Variants in KSR2 observed in about 807,000 individuals in gnomAD.
The protein encoded by KSR2 is kinase suppressor of ras 2.
A neutral mutation model predicts 107.8 loss-of-function variants in KSR2; 25 were observed. That is an observed-to-expected ratio of 0.23 (90% CI 0.17 to 0.32). KSR2 has a LOEUF of 0.32. Ranked by LOEUF, KSR2 falls within the 10% of genes least tolerant of loss-of-function variation. The pLI, the probability that KSR2 is intolerant of heterozygous loss-of-function variation, is 1.00. For missense variants in KSR2, 887 were observed against 1,268.9 expected, an observed-to-expected ratio of 0.70 and a Z score of 4.57; for synonymous variants, 480 against 507.0, an observed-to-expected ratio of 0.95 and a Z score of 0.71.
chr12:117,935,497 T>C, intron 1 of KSR2, among the ~76,000 whole-genome samples: 1 of 152,172 alleles, frequency 6.6e-6, no homozygotes, highest in Admixed American at 6.6e-5. Context: ...TGGTGGTTCA[T>C]GCCTGTAATC....
chr12:117,712,461 A>T (rs1360037623), intron 4 of KSR2, among the ~76,000 whole-genome samples: 2 of 152,210 alleles, frequency 1.3e-5, no homozygotes. Flanking sequence ...CGGAGTCAGA[A>T]GGGGCAGCTC....
intron 3 of KSR2, among the ~76,000 whole-genome samples, chr12:117,847,144 C>A (rs1397680879): frequency 1.3e-5 from 2 of 152,192 alleles, no homozygotes. Context: ...ACATACGAGA[C>A]CCTGTGGGCT....
At chr12:117,681,698 T>C (rs1392135988) in intron 4 of KSR2, among the ~76,000 whole-genome samples, 1 of 152,158 alleles carries the variant, frequency 6.6e-6, no homozygotes, top group Non-Finnish European at 1.5e-5. Context: ...CCACCTTGAG[T>C]TGATTTTTGT....
chr12:117,649,846 GT>G (rs1883811803), intron 5 of KSR2, among the ~76,000 whole-genome samples: 1 of 152,174 alleles, frequency 6.6e-6, no homozygotes, highest in South Asian at 2.1e-4. Context: ...AACTGAAATG[GT>G]TTTCTGTACA....
At chr12:117,852,941 A>G (rs1461366335) in intron 3 of KSR2, among the ~76,000 whole-genome samples, 1 of 152,184 alleles carries the variant, frequency 6.6e-6, no homozygotes, top group Non-Finnish European at 1.5e-5. Context: ...AGCTGGGATT[A>G]CAGGCATGCG....
intron 1 of KSR2, among the ~76,000 whole-genome samples, chr12:117,931,935 G>T (rs1349593407): frequency 1.3e-5 from 2 of 152,162 alleles, no homozygotes; most frequent in African/African-American, 4.8e-5. Context: ...CAAAGACATG[G>T]AGGACATTAT....
At chr12:117,875,881 A>G (rs1172153718) in intron 1 of KSR2, among the ~76,000 whole-genome samples, 1 of 151,730 alleles carries the variant, frequency 6.6e-6, no homozygotes, top group Non-Finnish European at 1.5e-5. Context: ...CCACACACCC[A>G]TCATGTCAGC....
chr12:117,793,888 G>GCA (rs1890427975), intron 3 of KSR2, among the ~76,000 whole-genome samples: 2 of 115,448 alleles, frequency 1.7e-5, no homozygotes, highest in Admixed American at 9.5e-5. Context: ...CATACAACAT[G>GCA]CACACACCAA....
chr12:117,646,153 C>T (rs1883628074), intron 5 of KSR2, among the ~76,000 whole-genome samples: 1 of 152,022 alleles, frequency 6.6e-6, no homozygotes, highest in Non-Finnish European at 1.5e-5. Flanking sequence ...AGAAAAAAGT[C>T]AGTACATGTT....
At chr12:117,564,518 A>G (rs973347827) in intron 7 of KSR2, among the ~76,000 whole-genome samples, 1 of 152,254 alleles carries the variant, frequency 6.6e-6, no homozygotes, top group Non-Finnish European at 1.5e-5. Context: ...GCAAATAGTT[A>G]ACTTCTTTTT....
intron 3 of KSR2, among the ~76,000 whole-genome samples, chr12:117,813,238 A>G (rs1377808252): frequency 6.6e-6 from 1 of 152,172 alleles, no homozygotes; most frequent in East Asian, 1.9e-4. Context: ...GATTTTATGA[A>G]TAAGTCCTCA....
intron 5 of KSR2, among the ~76,000 whole-genome samples, chr12:117,601,005 C>A (rs1880910680): frequency 6.6e-6 from 1 of 152,102 alleles, no homozygotes; most frequent in African/African-American, 2.4e-5. Flanking sequence ...TACTTACTTA[C>A]CTGCAGTATG....
At chr12:117,827,724 G>A (rs1243608376) in intron 3 of KSR2, among the ~76,000 whole-genome samples, 1 of 152,182 alleles carries the variant, frequency 6.6e-6, no homozygotes, top group Non-Finnish European at 1.5e-5. Flanking sequence ...TGATAGGTCA[G>A]TGTCCTATAA....
intron 1 of KSR2, among the ~76,000 whole-genome samples, chr12:117,887,924 C>G (rs1894225227): frequency 6.6e-6 from 1 of 152,224 alleles, no homozygotes; most frequent in Non-Finnish European, 1.5e-5. Flanking sequence ...CGTCACTGGC[C>G]TAGACCAGTC....
chr12:117,645,745 G>A (rs1883588232), intron 5 of KSR2, among the ~76,000 whole-genome samples: 1 of 152,160 alleles, frequency 6.6e-6, no homozygotes, highest in African/African-American at 2.4e-5. Flanking sequence ...AGCATGAAAT[G>A]TTCTCATCAA....
At chr12:117,851,283 G>A (rs1276502353) in intron 3 of KSR2, among the ~76,000 whole-genome samples, 1 of 152,146 alleles carries the variant, frequency 6.6e-6, no homozygotes. Context: ...ACCATAGTGA[G>A]GTGTGTAATG....
rs150234376 is a variant in KSR2 at position 117,870,310 on chromosome 12, G to A, written c.181-9879C>T. ...GCAGGCCTGCTGAGGCATTACATAA[G>A]ATATTCTCAGCCAGACGTGGTGGCT... On this transcript the variant is annotated intron_variant, in intron 1 of 19. Coordinates refer to ENST00000339824, the MANE Select transcript of KSR2 (RefSeq NM_173598.6). Among the ~76,000 whole-genome samples, 76 of 152,298 alleles carry A rather than the reference G, an allele frequency of 5.0e-4. 1 individual carries two copies. Among genetic ancestry groups the A allele is most frequent in the African/African-American group, 1.7e-3 (69 of 41,560 alleles).
intron 4 of KSR2, among the ~76,000 whole-genome samples, chr12:117,694,450 T>C (rs1401911237): frequency 6.6e-6 from 1 of 152,242 alleles, no homozygotes; most frequent in Non-Finnish European, 1.5e-5. Context: ...CATGGAACTG[T>C]GAGTCCATTA....
In KSR2 at chr12:117,755,527, C is replaced by G. The variant is rs569547972; in HGVS notation, c.986+5484G>C. 3.3e-4 allele frequency among the ~76,000 whole-genome samples: 50 copies of G among 152,260 alleles called. 1 individual carries two copies. In the South Asian group the frequency reaches 7.7e-3, roughly 23 times the overall value. On this transcript the variant is annotated intron_variant, in intron 4 of 19. Transcript: ENST00000339824. Reference sequence around the variant, plus strand: ...GTGCCCATATGACAGTGAAATAAATCGATCAATGTTGTATGTGTTCTGACT... The same window carrying G: ...GTGCCCATATGACAGTGAAATAAATGGATCAATGTTGTATGTGTTCTGACT...
Sources: gnomAD v4.1 joint callset for allele counts (sites outside exome capture counted in the v4.1 genomes callset) on GRCh38, gnomAD v4.1.1 for gene constraint, MANE v1.5 for transcripts, NCBI Gene and HGNC (gene_info 2026-07-23, HGNC 2026-07-21) for gene names.